STARD13: variants seen among roughly 807,000 people sequenced by gnomAD.
STARD13 encodes StAR related lipid transfer domain containing 13, also known as stAR-related lipid transfer protein 13.
Under a neutral mutation model 106.4 loss-of-function variants are expected in STARD13, and 62 were observed. The observed-to-expected ratio is 0.58, with a 90% CI of 0.48 to 0.72. The LOEUF (loss-of-function observed/expected upper bound fraction) is 0.72. Among genes scored for constraint, STARD13 ranks in the 30% least tolerant of loss-of-function variants. STARD13 has a pLI of 0.00. For synonymous variants in STARD13, 565 were observed against 553.0 expected (o/e 1.02, Z -0.31); for missense variants, 1,387 against 1,424.0 (o/e 0.97, Z 0.42).
chr13:33,548,033 T>C, the STARD13 span, among the ~76,000 whole-genome samples: 1 of 152,224 alleles, frequency 6.6e-6, no homozygotes, highest in Admixed American at 6.5e-5. Context: ...TCACTATAAC[T>C]CTGATCTCCT....
chr13:33,448,354 T>C, the STARD13 span, among the ~76,000 whole-genome samples: 1 of 152,200 alleles, frequency 6.6e-6, no homozygotes, highest in Non-Finnish European at 1.5e-5. Context: ...AGTGACATCA[T>C]GCAGTATTCA....
intron 1 of STARD13, among the ~76,000 whole-genome samples, chr13:33,218,700 C>T (rs1284858774): frequency 6.6e-6 from 1 of 152,192 alleles, no homozygotes; most frequent in Non-Finnish European, 1.5e-5. Flanking sequence ...TGCTGCCATA[C>T]CTTAACACAG....
the STARD13 span, among the ~76,000 whole-genome samples, chr13:33,525,965 A>T: frequency 6.6e-6 from 1 of 152,150 alleles, no homozygotes; most frequent in Non-Finnish European, 1.5e-5. Flanking sequence ...CAGATTTGGC[A>T]TCTGCCAGAA....
chr13:33,348,266 T>A (rs377390433), downstream of STARD13, among the ~76,000 whole-genome samples: 2 of 152,260 alleles, frequency 1.3e-5, no homozygotes, highest in African/African-American at 4.8e-5. Flanking sequence ...CACTTTTAGC[T>A]TTCTATATAT....
the STARD13 span, among the ~76,000 whole-genome samples, chr13:33,550,286 C>G: frequency 6.6e-6 from 1 of 152,142 alleles, no homozygotes; most frequent in African/African-American, 2.4e-5. Context: ...TAATAATTTA[C>G]TGGAAAGAAA....
intron 1 of STARD13, among the ~76,000 whole-genome samples, chr13:33,195,703 G>A (rs1020094784): frequency 1.3e-5 from 2 of 152,134 alleles, no homozygotes; most frequent in African/African-American, 4.8e-5. Flanking sequence ...ACACAAGAAC[G>A]GAAATTACCC....
chr13:33,470,209 C>G, the STARD13 span, among the ~76,000 whole-genome samples: 1 of 152,142 alleles, frequency 6.6e-6, no homozygotes, highest in African/African-American at 2.4e-5. Flanking sequence ...ACATCCATGT[C>G]CCTGCAGAGG....
At chr13:33,526,245 C>T in the STARD13 span, among the ~76,000 whole-genome samples, 1 of 151,846 alleles carries the variant, frequency 6.6e-6, no homozygotes, top group Non-Finnish European at 1.5e-5. Context: ...CCTTTCAATT[C>T]TATTGAATTT....
the STARD13 span, among the ~76,000 whole-genome samples, chr13:33,385,868 A>C: frequency 6.1e-4 from 92 of 151,418 alleles, no homozygotes; most frequent in South Asian, 1.2e-3. Context: ...AAAAAACAAA[A>C]AAAAAAAAAT....
chr13:33,548,932 T>A, the STARD13 span, among the ~76,000 whole-genome samples: 1 of 152,132 alleles, frequency 6.6e-6, no homozygotes, highest in Admixed American at 6.6e-5. Flanking sequence ...AAATTGCTGG[T>A]GAATATCTAA....
intron 1 of STARD13, among the ~76,000 whole-genome samples, chr13:33,198,006 TA>T (rs1289877614): frequency 6.6e-6 from 1 of 152,064 alleles, no homozygotes; most frequent in African/African-American, 2.4e-5. Flanking sequence ...CCGCCTCTAC[TA>T]AAAACACAAA....
At chr13:33,386,556 T>A in the STARD13 span, among the ~76,000 whole-genome samples, 2 of 152,082 alleles carry the variant, frequency 1.3e-5, no homozygotes, top group African/African-American at 2.4e-5. Context: ...CAAGGTGACC[T>A]CCTCTGGGGG....
intron 1 of STARD13, among the ~76,000 whole-genome samples, chr13:33,228,754 T>C (rs891744330): frequency 2.0e-5 from 3 of 152,318 alleles, no homozygotes; most frequent in Middle Eastern, 3.4e-3. Flanking sequence ...ACTAGAGGCC[T>C]GTGAAGAGCT....
Position 33,127,494 on chromosome 13 carries a change from C to A in STARD13, c.1801G>T (p.Ala601Ser). 2 of 1,588,294 alleles carry A rather than the reference C, an allele frequency of 1.3e-6. No individual in the cohort carries two copies. The highest frequency in any genetic ancestry group is 1.7e-6 in the Non-Finnish European group (2 of 1,173,160). Residue 601 changes from alanine to serine, a missense_variant, in exon 6 of 14, where the codon GCA (alanine) becomes TCA (serine). Transcript: ENST00000336934. ...QLSHQPRPAP[A>S]SPHISSQTAS... ...GTCTGGCTGCTGATGTGGGGCGATGCTGGGGCCGGCCGGGGCTGGTGCGAC... is the reference window on the plus strand; with the variant it reads ...GTCTGGCTGCTGATGTGGGGCGATGATGGGGCCGGCCGGGGCTGGTGCGAC...
chr13:33,569,878 G>A, the STARD13 span, among the ~76,000 whole-genome samples: 1 of 147,382 alleles, frequency 6.8e-6, no homozygotes, highest in Non-Finnish European at 1.5e-5. Flanking sequence ...AACCAGCAAA[G>A]GCATGAGAAT....
the STARD13 span, among the ~76,000 whole-genome samples, chr13:33,565,094 A>G: frequency 1.4e-5 from 2 of 147,758 alleles, no homozygotes; most frequent in Non-Finnish European, 3.0e-5. Context: ...AAAAAGTGAA[A>G]TGGGCACAAA....
chr13:33,629,992 CT>C, the STARD13 span, among the ~76,000 whole-genome samples: 1 of 152,134 alleles, frequency 6.6e-6, no homozygotes, highest in East Asian at 1.9e-4. Flanking sequence ...AAATGAAAGC[CT>C]TTTATTGAAT....
chr13:33,390,486 A>G, the STARD13 span, among the ~76,000 whole-genome samples: 3 of 152,298 alleles, frequency 2.0e-5, no homozygotes, highest in South Asian at 2.1e-4. Flanking sequence ...GCTTTACTCT[A>G]CTTGAGAATG....
the STARD13 span, among the ~76,000 whole-genome samples, chr13:33,598,535 A>G: frequency 6.6e-5 from 10 of 152,238 alleles, no homozygotes; most frequent in African/African-American, 2.4e-4. Flanking sequence ...GTGTAGAAAC[A>G]GTGTTGGTAT....
Sources: allele counts gnomAD v4.1 joint callset (sites outside exome capture counted in the v4.1 genomes callset), GRCh38; gene constraint gnomAD v4.1.1; transcripts MANE v1.5; gene names NCBI Gene and HGNC (gene_info 2026-07-23, HGNC 2026-07-21).